Variants in HDAC4 observed in about 807,000 individuals in gnomAD.
The protein encoded by HDAC4 is histone deacetylase A.
HDAC4 carries 16 observed loss-of-function variants against 135.1 expected under a neutral mutation model. The ratio of observed to expected loss-of-function variants is 0.12; its 90% CI spans 0.08 to 0.18. The LOEUF (loss-of-function observed/expected upper bound fraction) is 0.18, where lower values mean the gene tolerates loss of function less well. Among genes scored for constraint, HDAC4 ranks in the 10% least tolerant of loss-of-function variants. The pLI, the probability that HDAC4 is intolerant of heterozygous loss-of-function variation, is 1.00. For synonymous variants in HDAC4, 685 were observed against 653.4 expected (o/e 1.05, Z -0.74); for missense variants, 1,143 against 1,511.8 (o/e 0.76, Z 4.05).
intron 8 of HDAC4, among the ~76,000 whole-genome samples, chr2:239,140,593 T>C (rs1407180133): frequency 6.6e-6 from 1 of 152,208 alleles, no homozygotes; most frequent in African/African-American, 2.4e-5. Context: ...TGGTTAAAGC[T>C]TTCCAAAGAA....
chr2:239,179,930 G>A (rs919380945), intron 4 of HDAC4, among the ~76,000 whole-genome samples: 1 of 152,250 alleles, frequency 6.6e-6, no homozygotes, highest in Non-Finnish European at 1.5e-5. Context: ...CCAAGTGTGC[G>A]TTCTGAATGT....
At chr2:239,150,665 A>G (rs4852027) in intron 7 of HDAC4, among the ~76,000 whole-genome samples, 3,354 of 36,038 alleles carry the variant, frequency 0.093, no homozygotes, top group South Asian at 0.14. Flanking sequence ...AAGTCTCACC[A>G]CACTGCACCT....
Position 239,179,400 on chromosome 2 carries a change from G to C in HDAC4, c.340-2837C>G, listed in dbSNP as rs190652847. Among the ~76,000 whole-genome samples the C allele has an allele frequency of 9.6e-3, 1,463 of 152,288 alleles. 23 individuals carry two copies. The highest frequency in any genetic ancestry group is 0.033 in the African/African-American group (1,383 of 41,566). On this transcript the variant is annotated intron_variant, in intron 4 of 26. Transcript: ENST00000543185. ...TCCCGCCAGAGCTCAAGCTCCTGCTGGATCAGTGGTGGCATTAGATTCTCA... is the reference window on the plus strand; with the variant it reads ...TCCCGCCAGAGCTCAAGCTCCTGCTCGATCAGTGGTGGCATTAGATTCTCA...
intron 2 of HDAC4, among the ~76,000 whole-genome samples, chr2:239,310,398 C>G (rs548675410): frequency 2.6e-5 from 4 of 152,210 alleles, no homozygotes; most frequent in South Asian, 2.1e-4. Flanking sequence ...TTGCTCCCCC[C>G]CGAACCAAGT....
chr2:239,199,236 G>A (rs375914188), intron 3 of HDAC4, among the ~76,000 whole-genome samples: 2 of 151,914 alleles, frequency 1.3e-5, no homozygotes, highest in East Asian at 1.9e-4. Flanking sequence ...GGTGCTCACC[G>A]AGAGGCCTGG....
At chr2:239,189,788 G>A (rs1559201782) in intron 4 of HDAC4, 45 bp downstream of exon 4, 6 of 1,567,572 alleles carry the variant, frequency 3.8e-6, no homozygotes, top group Non-Finnish European at 5.2e-6. Context: ...GGGAGTTGAG[G>A]GTGCCGGAGG....
intron 11 of HDAC4, among the ~76,000 whole-genome samples, chr2:239,131,092 G>T (rs1013010963): frequency 6.6e-6 from 1 of 152,224 alleles, no homozygotes; most frequent in Non-Finnish European, 1.5e-5. Flanking sequence ...GCGGAGTGCC[G>T]CACTGGAGCA....
chr2:239,382,476 A>G (rs1396726325), intron 1 of HDAC4, among the ~76,000 whole-genome samples: 2 of 152,230 alleles, frequency 1.3e-5, no homozygotes, highest in Non-Finnish European at 2.9e-5. Flanking sequence ...TACAAGATAC[A>G]CATTTTCTAC....
Position 239,305,458 on chromosome 2 carries a change from C to G in HDAC4, c.22+47220G>C, listed in dbSNP as rs945205477. 3.3e-5 allele frequency: 5 copies of G among 152,662 alleles called. No homozygotes were observed. In the East Asian group the frequency reaches 9.6e-4, roughly 29 times the overall value. 9.5% of individuals were successfully genotyped at this position (152,662 alleles called of 1,614,324 possible). A position where few individuals can be genotyped will look rare whatever the true frequency, so the allele number is the denominator to read the frequency against. ...CGGGGGAGTCTGGGTCATCTGTGAG[C>G]CCAACAGCGCCCTGCAGGCACAGAC... On this transcript the variant is annotated intron_variant, in intron 2 of 26. Coordinates refer to ENST00000543185, the MANE Select transcript of HDAC4 (RefSeq NM_001378414.1).
rs2052725491 is a variant in HDAC4, at chr2:239,308,642, C to T, written c.22+44036G>A. ...CAAAGATCTATGTTCATGGTGTAGT[C>T]CAGGCAGAGTGTGGTTAACAGGCCT... On this transcript the variant is annotated intron_variant, in intron 2 of 26. Coordinates refer to ENST00000543185, the MANE Select transcript of HDAC4 (RefSeq NM_001378414.1). The surrounding 1 kb of genome is among the most constrained non-coding windows in gnomAD (Gnocchi z 4.2). 6.6e-6 allele frequency among the ~76,000 whole-genome samples: 1 copy of T among 151,928 alleles called. No homozygotes were observed. The highest frequency in any genetic ancestry group is 2.4e-5 in the African/African-American group (1 of 41,414).
intron 1 of HDAC4, among the ~76,000 whole-genome samples, chr2:239,391,646 G>A (rs1034195616): frequency 1.3e-5 from 2 of 152,194 alleles, no homozygotes; most frequent in Non-Finnish European, 1.5e-5. Context: ...GATCTCAACC[G>A]ATGCTCACTC....
At position 239,111,560 on chromosome 2, in the gene HDAC4, C is replaced by T. The variant is rs779372653; in HGVS notation, c.1944G>A (p.Val648=). 17 of 1,612,340 alleles carry T rather than the reference C, an allele frequency of 1.1e-5. No individual in the cohort carries two copies. The South Asian group carries it at 1.8e-4, about 17-fold the overall frequency. ...ACCTCGGCTTGGTGGGGGGCTCCTG[C>T]ACAGACACGGGGAAGGTGGCAGACG... ...SPASATFPVS[V]QEPPTKPRFT... The change falls in exon 14 of 27, where the codon GTG becomes GTA. Residue 648 remains valine, a synonymous_variant. Coordinates refer to ENST00000543185, the MANE Select transcript of HDAC4 (RefSeq NM_001378414.1).
chr2:239,112,723 T>C lies in HDAC4; in HGVS notation c.1792-1011A>G, dbSNP rs891295547. Reference sequence around the variant, plus strand: ...GCAGCTGAGGGAGAGCACAGCAACCTGCCACCCAGGCCGAGGCACAAAGAA... The same window carrying C: ...GCAGCTGAGGGAGAGCACAGCAACCCGCCACCCAGGCCGAGGCACAAAGAA... On this transcript the variant is annotated intron_variant, in intron 13 of 26. Coordinates refer to ENST00000543185, the MANE Select transcript of HDAC4 (RefSeq NM_001378414.1). 2.2e-4 allele frequency among the ~76,000 whole-genome samples: 33 copies of C among 152,176 alleles called. 1 individual carries two copies. Among genetic ancestry groups the C allele is most frequent in the Admixed American group, 2.2e-3 (33 of 15,280 alleles).
intron 2 of HDAC4, chr2:239,298,475 T>C: frequency 8.8e-7 from 1 of 1,132,166 alleles, no homozygotes; most frequent in Non-Finnish European, 1.1e-6. Flanking sequence ...CCCCAGCTAT[T>C]ACAATCACAC....
chr2:239,394,321 CAT>C (rs1696422851), intron 1 of HDAC4, among the ~76,000 whole-genome samples: 1 of 152,180 alleles, frequency 6.6e-6, no homozygotes, highest in Non-Finnish European at 1.5e-5. Context: ...TGTACACAAA[CAT>C]ATTAATGTAT....
rs543273449 is a variant in HDAC4, at chr2:239,319,721, C to T, written c.22+32957G>A. On this transcript the variant is annotated intron_variant, in intron 2 of 26. Transcript: ENST00000543185. ...AATTCACAAAATTGAATGCAAGACACTAATGAACACCAGTCACCGACAGCT... is the reference window on the plus strand; with the variant it reads ...AATTCACAAAATTGAATGCAAGACATTAATGAACACCAGTCACCGACAGCT... Among the ~76,000 whole-genome samples, 4 of 152,322 alleles carry T rather than the reference C, an allele frequency of 2.6e-5. No homozygotes were observed. In the South Asian group the frequency reaches 8.3e-4, roughly 32 times the overall value.
chr2:239,148,125 G>A (rs548309241), intron 7 of HDAC4, among the ~76,000 whole-genome samples: 17 of 152,308 alleles, frequency 1.1e-4, no homozygotes, highest in African/African-American at 3.6e-4. Context: ...ACGCAATATC[G>A]CCGTGGGACA....
chr2:239,181,103 G>A (rs950579064), intron 4 of HDAC4, among the ~76,000 whole-genome samples: 21 of 152,258 alleles, frequency 1.4e-4, no homozygotes, highest in Non-Finnish European at 2.4e-4. Flanking sequence ...GAGCAGATCA[G>A]CATCCAGACA....
intron 6 of HDAC4, among the ~76,000 whole-genome samples, chr2:239,162,809 C>CGG (rs2042894457): frequency 6.6e-6 from 1 of 152,092 alleles, no homozygotes; most frequent in South Asian, 2.1e-4. Flanking sequence ...GTCGGGGTAG[C>CGG]GGGCGGCCTC....
Sources: allele counts gnomAD v4.1 joint callset (sites outside exome capture counted in the v4.1 genomes callset), GRCh38; gene constraint gnomAD v4.1.1; non-coding constraint Gnocchi (gnomAD v3.1); transcripts MANE v1.5; gene names NCBI Gene and HGNC (gene_info 2026-07-23, HGNC 2026-07-21).